Variants in CNIH3 observed in about 807,000 individuals in gnomAD.
The protein encoded by CNIH3 is cornichon family AMPA receptor auxiliary protein 3.
A neutral mutation model predicts 24.1 loss-of-function variants in CNIH3; 14 were observed. The ratio of observed to expected loss-of-function variants is 0.58; its 90% CI spans 0.38 to 0.91. The LOEUF (loss-of-function observed/expected upper bound fraction) is 0.91. CNIH3 is among the 40% of genes least tolerant of loss of function. The probability of loss-of-function intolerance (pLI) is 0.00; values close to 1 mark genes in which losing one functional copy is unlikely to be tolerated. For missense variants in CNIH3, 178 were observed against 196.8 expected (o/e 0.90, Z 0.57); for synonymous variants, 68 against 73.8 (o/e 0.92, Z 0.40).
In CNIH3 at chr1:224,730,575, G is replaced by T; in HGVS notation, c.311+1G>T. The stretch of plus-strand genomic sequence containing the variant: ...CTCTACTTTTCTATCACTTCTGGAG[G>T]TAAGTCAGACTGGGACTGGTATATC... On this transcript the variant is annotated splice_donor_variant, in intron 4 of 5. Transcript: ENST00000272133. LOFTEE classifies it high-confidence loss of function. The T allele has an allele frequency of 6.5e-7, 1 of 1,538,658 alleles. No homozygotes were observed. Among genetic ancestry groups the T allele is most frequent in the Non-Finnish European group, 8.8e-7 (1 of 1,134,344 alleles).
chr1:224,610,409 G>A (rs953218860), intron 3 of CNIH3, among the ~76,000 whole-genome samples: 1 of 152,164 alleles, frequency 6.6e-6, no homozygotes, highest in African/African-American at 2.4e-5. Flanking sequence ...TCTCCTGATA[G>A]TGAGTTCTCA....
chr1:224,581,065 C>G (rs1280999161), intron 4 of CNIH3, among the ~76,000 whole-genome samples: 1 of 152,242 alleles, frequency 6.6e-6, no homozygotes, highest in East Asian at 1.9e-4. Context: ...AGTTTAGGAA[C>G]AAAAGAAAAT....
chr1:224,509,725 CAG>C (rs1678062621), intron 1 of CNIH3, among the ~76,000 whole-genome samples: 1 of 152,214 alleles, frequency 6.6e-6, no homozygotes, highest in Admixed American at 6.5e-5. Flanking sequence ...TGTGAGGTGC[CAG>C]GCTGGTGACG....
chr1:224,455,770 A>T (rs2102973456), intron 1 of CNIH3, among the ~76,000 whole-genome samples: 1 of 152,354 alleles, frequency 6.6e-6, no homozygotes, highest in South Asian at 2.1e-4. Flanking sequence ...TGTGTCGGCC[A>T]CATTAAAGCA....
rs539309702 is a variant in CNIH3, at chr1:224,616,449, C to T, written c.-726C>T. 184 of 991,140 alleles carry T rather than the reference C, an allele frequency of 1.9e-4. No homozygotes were observed. The African/African-American group carries it at 2.6e-3, about 14-fold the overall frequency. 61.4% of individuals were successfully genotyped at this position (991,140 alleles called of 1,614,324 possible). ...GCCCGTTGGGTGGAGCCAGTGCTCG[C>T]CCCGGTCCGACCCCCGGTTTCCGGG... On this transcript the variant is annotated 5_prime_UTR_variant, in exon 1 of 6. Transcript: ENST00000272133.
At chr1:224,622,199 A>G (rs1683314856) in intron 1 of CNIH3, among the ~76,000 whole-genome samples, 2 of 152,186 alleles carry the variant, frequency 1.3e-5, no homozygotes, top group East Asian at 3.8e-4. Flanking sequence ...GCTGCTTCTT[A>G]AGGACTACTT....
chr1:224,524,251 C>T (rs886107442), intron 2 of CNIH3, among the ~76,000 whole-genome samples: 1 of 152,172 alleles, frequency 6.6e-6, no homozygotes, highest in African/African-American at 2.4e-5. Flanking sequence ...GTTGTCAGAT[C>T]GGCTGGTCAA....
At chr1:224,503,968 A>T (rs1168923230) in intron 1 of CNIH3, among the ~76,000 whole-genome samples, 2 of 152,204 alleles carry the variant, frequency 1.3e-5, no homozygotes, top group African/African-American at 4.8e-5. Flanking sequence ...GGTGGAGGGG[A>T]CTTGAGGACT....
intron 1 of CNIH3, among the ~76,000 whole-genome samples, chr1:224,504,491 C>T (rs923833689): frequency 2.6e-5 from 4 of 152,096 alleles, no homozygotes; most frequent in Non-Finnish European, 4.4e-5. Context: ...TTTCCTCCTG[C>T]GGTCTTCTGG....
chr1:224,462,713 C>T (rs1294132006), intron 1 of CNIH3, among the ~76,000 whole-genome samples: 1 of 144,794 alleles, frequency 6.9e-6, no homozygotes, highest in Non-Finnish European at 1.5e-5. Context: ...GATCACGGCT[C>T]ACCAGAGCCT....
At chr1:224,481,750 C>T (rs1676821643) in intron 1 of CNIH3, among the ~76,000 whole-genome samples, 1 of 152,210 alleles carries the variant, frequency 6.6e-6, no homozygotes, top group African/African-American at 2.4e-5. Context: ...GTAACCACTA[C>T]CTGGCTACTG....
chr1:224,495,897 T>A (rs954493056), intron 1 of CNIH3, among the ~76,000 whole-genome samples: 11 of 152,130 alleles, frequency 7.2e-5, no homozygotes, highest in African/African-American at 2.2e-4. Context: ...GAGATCAGCC[T>A]GTGAACACAG....
chr1:224,710,058 A>G (rs762178345), intron 3 of CNIH3, among the ~76,000 whole-genome samples: 7 of 152,250 alleles, frequency 4.6e-5, no homozygotes, highest in Non-Finnish European at 5.9e-5. Flanking sequence ...TTATATGAAT[A>G]CGGTCTCTCT....
chr1:224,525,830 A>G (rs550625864), intron 2 of CNIH3, among the ~76,000 whole-genome samples: 2 of 152,120 alleles, frequency 1.3e-5, no homozygotes, highest in South Asian at 4.1e-4. Flanking sequence ...TCCAGGAAAT[A>G]CAGAATAAGA....
At chr1:224,737,801 A>G (rs1481807841) in intron 5 of CNIH3, among the ~76,000 whole-genome samples, 1 of 152,144 alleles carries the variant, frequency 6.6e-6, no homozygotes, top group Non-Finnish European at 1.5e-5. Flanking sequence ...TCTTTCTTCT[A>G]TCCTGTTTGA....
At chr1:224,444,720 CT>C (rs1675073202) in intron 1 of CNIH3, among the ~76,000 whole-genome samples, 2 of 152,036 alleles carry the variant, frequency 1.3e-5, no homozygotes, top group Non-Finnish European at 2.9e-5. Flanking sequence ...TCTCGGCTCA[CT>C]GCAACCTTCG....
intron 1 of CNIH3, among the ~76,000 whole-genome samples, chr1:224,479,991 C>T (rs1377570623): frequency 6.6e-6 from 1 of 152,186 alleles, no homozygotes; most frequent in Non-Finnish European, 1.5e-5. Flanking sequence ...CCCACATTTC[C>T]CTTCTGCACT....
intron 1 of CNIH3, among the ~76,000 whole-genome samples, chr1:224,490,392 G>A (rs1677196140): frequency 6.6e-6 from 1 of 152,178 alleles, no homozygotes; most frequent in African/African-American, 2.4e-5. Flanking sequence ...CCTGGTTTTT[G>A]TGTTTTGTTT....
intron 1 of CNIH3, among the ~76,000 whole-genome samples, chr1:224,501,501 G>T (rs1176410929): frequency 7.1e-6 from 1 of 141,710 alleles, no homozygotes; most frequent in Non-Finnish European, 1.5e-5. Flanking sequence ...GCATAGGCTT[G>T]AACCTATATA....
Sources: gnomAD v4.1 joint callset for allele counts (sites outside exome capture counted in the v4.1 genomes callset) on GRCh38, gnomAD v4.1.1 for gene constraint, MANE v1.5 for transcripts, NCBI Gene and HGNC (gene_info 2026-07-23, HGNC 2026-07-21) for gene names.